P2RX3: variants seen among roughly 807,000 people sequenced by gnomAD.
The protein encoded by P2RX3 is P2X purinoceptor 3.
A neutral mutation model predicts 51.5 loss-of-function variants in P2RX3; 41 were observed. That is an observed-to-expected ratio of 0.80 (90% CI 0.62 to 1.03). P2RX3 has a LOEUF of 1.03. Ranked by LOEUF, P2RX3 falls within the 50% of genes least tolerant of loss-of-function variation. The probability of loss-of-function intolerance (pLI) is 0.00; values close to 1 mark genes in which losing one functional copy is unlikely to be tolerated. For missense variants in P2RX3, 459 were observed against 522.1 expected, an observed-to-expected ratio of 0.88 and a Z score of 1.18; for synonymous variants, 185 against 191.6, an observed-to-expected ratio of 0.97 and a Z score of 0.29.
At chr11:57,369,160 G>T (rs543380144) in intron 10 of P2RX3, among the ~76,000 whole-genome samples, 9 of 152,290 alleles carry the variant, frequency 5.9e-5, no homozygotes, top group African/African-American at 2.2e-4. Context: ...ATACTGCCAC[G>T]CTGGGGATTA....
rs1040001614 is a variant in P2RX3 at position 57,368,035 on chromosome 11, A to G, written c.869A>G (p.Asn290Ser). 2 of 1,614,028 alleles carry G rather than the reference A, an allele frequency of 1.2e-6. No individual in the cohort carries two copies. The highest frequency in any genetic ancestry group is 1.7e-6 in the Non-Finnish European group (2 of 1,180,028). The change falls in exon 9 of 12, where the codon AAT (asparagine) becomes AGT (serine). Residue 290 changes from asparagine to serine, a missense_variant. By Grantham distance (46) the Asn-to-Ser change is conservative. Coordinates refer to ENST00000263314, the MANE Select transcript of P2RX3 (RefSeq NM_002559.5). ...TTTGCCAAGTACTACAAAATGGAAA[A>G]TGGCAGTGAGTACCGCACCCTCCTG... ...FRFAKYYKMENGSEYRTLLKA... is the reference protein window; with the variant it reads ...FRFAKYYKMESGSEYRTLLKA...
Position 57,348,180 on chromosome 11 carries a change from T to C in P2RX3, c.402T>C (p.Thr134=), listed in dbSNP as rs1856476493. ...PERLPGGGIL[T]GRCVNYSSVL... The stretch of plus-strand genomic sequence containing the variant: ...TGGCTCTCACTTTAGGGATCCTCAC[T>C]GGCCGCTGCGTGAACTACAGCTCTG... Residue 134 remains threonine (T), a synonymous_variant, in exon 5 of 12, where the codon ACT becomes ACC. Transcript: ENST00000263314. 1 of 1,587,192 alleles carries C rather than the reference T, an allele frequency of 6.3e-7. No homozygotes were observed. The highest frequency in any genetic ancestry group is 1.2e-5 in the South Asian group (1 of 86,730).
chr11:57,353,753 A>T (rs1421988266), intron 8 of P2RX3, among the ~76,000 whole-genome samples: 2 of 151,886 alleles, frequency 1.3e-5, no homozygotes, highest in African/African-American at 4.8e-5. Context: ...CCGTGTTTGA[A>T]TCTGCTAACT....
At chr11:57,361,200 A>C (rs1468501796) in intron 8 of P2RX3, among the ~76,000 whole-genome samples, 1 of 152,124 alleles carries the variant, frequency 6.6e-6, no homozygotes, top group Non-Finnish European at 1.5e-5. Context: ...GAGGGCCTGC[A>C]GATCCCTCAG....
At chr11:57,353,151 T>C (rs1590631188) in intron 8 of P2RX3, among the ~76,000 whole-genome samples, 1 of 152,174 alleles carries the variant, frequency 6.6e-6, no homozygotes, top group African/African-American at 2.4e-5. Flanking sequence ...AATGCTTGAA[T>C]AAGAGAGAAA....
intron 8 of P2RX3, among the ~76,000 whole-genome samples, chr11:57,367,743 G>A (rs1471785546): frequency 6.6e-6 from 1 of 152,112 alleles, no homozygotes; most frequent in Non-Finnish European, 1.5e-5. Context: ...ATAAATAAAA[G>A]GCAAGTTCTT....
chr11:57,368,470 A>G, intron 10 of P2RX3, 33 bp downstream of exon 10: 2 of 1,609,792 alleles, frequency 1.2e-6, no homozygotes, highest in Non-Finnish European at 1.7e-6. Flanking sequence ...CTGACGGGCC[A>G]GTCAGAGTGG....
rs575579103 is a variant in P2RX3, at chr11:57,349,460, C to T, written c.564-297C>T. On this transcript the variant is annotated intron_variant, in intron 6 of 11. Transcript: ENST00000263314. ...CAGCCTGGGCAACAGACCGAGACTC[C>T]GTCTCAAAAAAAAAAAAATGCACAG... Among the ~76,000 whole-genome samples the T allele has an allele frequency of 2.1e-3, 321 of 151,058 alleles. 2 individuals carry two copies. The highest frequency in any genetic ancestry group is 0.014 in the Middle Eastern group (4 of 294).
intron 8 of P2RX3, among the ~76,000 whole-genome samples, chr11:57,355,059 C>G (rs1456945438): frequency 1.3e-5 from 2 of 152,180 alleles, no homozygotes; most frequent in Non-Finnish European, 2.9e-5. Flanking sequence ...GAGAGCCCCA[C>G]CAGAAGCCAG....
chr11:57,368,096 C>CGGG lies in P2RX3; in HGVS notation c.931_933dup (p.Gly311dup), dbSNP rs772456694. The stretch of plus-strand genomic sequence containing the variant: ...GCATCCGCTTCGACGTGCTGGTATA[C>CGGG]GGGAATGTGAGTCCATGGGCCAGGC... On this transcript the variant is annotated inframe_insertion, in exon 9 of 12. Transcript: ENST00000263314. The CGGG allele has an allele frequency of 1.2e-6, 2 of 1,613,958 alleles. No individual in the cohort carries two copies. Among genetic ancestry groups the CGGG allele is most frequent in the African/African-American group, 1.3e-5 (1 of 75,024 alleles).
intron 1 of P2RX3, among the ~76,000 whole-genome samples, chr11:57,345,713 G>A (rs1456881040): frequency 6.6e-6 from 1 of 152,160 alleles, no homozygotes; most frequent in Non-Finnish European, 1.5e-5. Context: ...CTCGAGGCCA[G>A]GAAAGTCTGA....
intron 8 of P2RX3, among the ~76,000 whole-genome samples, chr11:57,367,084 T>C (rs573273675): frequency 7.9e-5 from 12 of 152,358 alleles, no homozygotes; most frequent in Admixed American, 2.6e-4. Flanking sequence ...AAAACTGCTC[T>C]ATAAATGTAA....
At chr11:57,367,918 A>G in intron 8 of P2RX3, 91 bp from the exon 9 acceptor site, 1 of 1,003,100 alleles carries the variant, frequency 1.0e-6, no homozygotes, top group East Asian at 2.4e-5. Context: ...TTGCTCAGTG[A>G]GCCAAGACAC....
chr11:57,347,578 T>A, intron 4 of P2RX3, 100 bp downstream of exon 4: 1 of 1,305,232 alleles, frequency 7.7e-7, no homozygotes, highest in African/African-American at 1.5e-5. Flanking sequence ...GCCTGTTCCA[T>A]GTCATTCTGC....
chr11:57,352,420 C>T (rs140912097), intron 8 of P2RX3, among the ~76,000 whole-genome samples: 67 of 152,242 alleles, frequency 4.4e-4, no homozygotes, highest in Admixed American at 2.4e-3. Context: ...GTTGGTATAT[C>T]ACACTGAGAT....
upstream of P2RX3, among the ~76,000 whole-genome samples, chr11:57,336,768 G>A (rs1856229553): frequency 1.3e-5 from 2 of 152,182 alleles, no homozygotes; most frequent in Admixed American, 1.3e-4. Context: ...TACAGAATAT[G>A]TAAGCTCAAG....
In P2RX3 at chr11:57,346,622, C is replaced by G. The variant is rs1488781584; in HGVS notation, c.198C>G (p.Gly66=). Reference sequence around the variant, plus strand: ...CCTCGGTGGTAACCAAGGTGAAGGGCTCCGGACTCTACGCCAACAGAGTCA... The same window carrying G: ...CCTCGGTGGTAACCAAGGTGAAGGGGTCCGGACTCTACGCCAACAGAGTCA... ...IESSVVTKVK[G]SGLYANRVMD... The change falls in exon 2 of 12, where the codon GGC becomes GGG. Residue 66 remains glycine (G), a synonymous_variant. Transcript: ENST00000263314. 1 of 1,614,188 alleles carries G rather than the reference C, an allele frequency of 6.2e-7. No individual in the cohort carries two copies. The highest frequency in any genetic ancestry group is 2.2e-5 in the East Asian group (1 of 44,892).
upstream of P2RX3, among the ~76,000 whole-genome samples, chr11:57,337,934 T>C (rs370727077): frequency 2.6e-5 from 4 of 152,328 alleles, no homozygotes; most frequent in African/African-American, 9.6e-5. Flanking sequence ...TGTGACTCTT[T>C]ACTCATCACA....
rs576909242 is a variant in P2RX3, at chr11:57,342,982, A to G, written c.120-3562A>G. Among the ~76,000 whole-genome samples the G allele has an allele frequency of 6.6e-5, 10 of 152,334 alleles. No homozygotes were observed. In the South Asian group the frequency reaches 2.1e-3, roughly 32 times the overall value. On this transcript the variant is annotated intron_variant, in intron 1 of 11. Transcript: ENST00000263314. Reference sequence around the variant, plus strand: ...ACACGCCTTCCGCTCTATAAATAATAAACCATGAATGCGAGAAGAAAATAG... The same window carrying G: ...ACACGCCTTCCGCTCTATAAATAATGAACCATGAATGCGAGAAGAAAATAG...
Sources: gnomAD v4.1 joint callset for allele counts (sites outside exome capture counted in the v4.1 genomes callset) on GRCh38, gnomAD v4.1.1 for gene constraint, MANE v1.5 for transcripts, NCBI Gene and HGNC (gene_info 2026-07-23, HGNC 2026-07-21) for gene names.